TMEM183A: variants seen among roughly 807,000 people sequenced by gnomAD.
TMEM183A encodes the protein chromosome 1 open reading frame 37.
A neutral mutation model predicts 46.7 loss-of-function variants in TMEM183A; 21 were observed. That is an observed-to-expected ratio of 0.45 (90% CI 0.32 to 0.65). The LOEUF (loss-of-function observed/expected upper bound fraction) is 0.65. TMEM183A is among the 30% of genes least tolerant of loss of function. The probability of loss-of-function intolerance (pLI) is 0.04; values close to 1 mark genes in which losing one functional copy is unlikely to be tolerated. For missense variants in TMEM183A, 331 were observed against 481.9 expected, an observed-to-expected ratio of 0.69 and a Z score of 2.93; for synonymous variants, 165 against 180.2, an observed-to-expected ratio of 0.92 and a Z score of 0.68.
chr1:203,015,711 A>G, intron 4 of TMEM183A: 1 of 502,438 alleles, frequency 2.0e-6, no homozygotes, highest in South Asian at 2.5e-5. Context: ...TACCGATACC[A>G]ATTCAGAGTT....
chr1:203,017,661 G>A, intron 5 of TMEM183A: 2 of 861,480 alleles, frequency 2.3e-6, no homozygotes, highest in Non-Finnish European at 2.8e-6. Context: ...ATGATTGCGT[G>A]GCATTCAGGG....
At chr1:203,015,662 C>T (rs910349177) in intron 4 of TMEM183A, 3 of 342,226 alleles carry the variant, frequency 8.8e-6, no homozygotes, top group Non-Finnish European at 1.6e-5. Flanking sequence ...GTATAGGTTC[C>T]TCCAGGACAG....
chr1:203,015,095 T>C (rs375300250), intron 4 of TMEM183A, 47 bp downstream of exon 4: 94 of 1,600,702 alleles, frequency 5.9e-5, no homozygotes, highest in Non-Finnish European at 7.9e-5. Flanking sequence ...GCTGATTTCA[T>C]TACTGTTTGT....
At chr1:203,012,919 T>G (rs967009020) in intron 3 of TMEM183A, among the ~76,000 whole-genome samples, 5 of 152,216 alleles carry the variant, frequency 3.3e-5, no homozygotes, top group Admixed American at 3.3e-4. Context: ...TTGTAGAGAC[T>G]GTGTTGCCCA....
Position 203,019,301 on chromosome 1 carries a change from A to G in TMEM183A, c.789+740A>G, listed in dbSNP as rs542450330. 6.6e-5 allele frequency among the ~76,000 whole-genome samples: 10 copies of G among 152,382 alleles called. 2 individuals carry two copies. The South Asian group carries it at 1.9e-3, about 28-fold the overall frequency. On this transcript the variant is annotated intron_variant, in intron 6 of 7. Transcript: ENST00000367242. ...ATGAAAACAAAAGGTAAGAGGAACTATGCTGTATTGAAAGACAAGGATAAC... is the reference window on the plus strand; with the variant it reads ...ATGAAAACAAAAGGTAAGAGGAACTGTGCTGTATTGAAAGACAAGGATAAC...
chr1:203,008,904 C>A (rs1418444), intron 3 of TMEM183A, 94 bp downstream of exon 3: 1 of 1,323,780 alleles, frequency 7.6e-7, no homozygotes, highest in South Asian at 1.8e-5. Context: ...AGATATAAGA[C>A]GTGATACCAG....
intron 7 of TMEM183A, among the ~76,000 whole-genome samples, chr1:203,021,261 G>C (rs1323014399): frequency 6.6e-6 from 1 of 152,046 alleles, no homozygotes; most frequent in Non-Finnish European, 1.5e-5. Flanking sequence ...CAGACTCCTA[G>C]CCTCAAGCAG....
At chr1:203,008,453 C>CCTTT (rs1291069587) in intron 2 of TMEM183A, among the ~76,000 whole-genome samples, 190 bp from the exon 3 acceptor site, 4 of 106,118 alleles carry the variant, frequency 3.8e-5, no homozygotes, top group African/African-American at 1.3e-4. Flanking sequence ...CATTGCTTTC[C>CCTTT]TTTTTTTTTT....
chr1:203,007,548 G>A lies in TMEM183A; in HGVS notation c.83G>A (p.Arg28Gln). The A allele has an allele frequency of 1.3e-6, 2 of 1,548,214 alleles. No individual in the cohort carries two copies. The highest frequency in any genetic ancestry group is 8.7e-7 in the Non-Finnish European group (1 of 1,152,814). ...MPKRGKRLKF[R>Q]AHDACSGRVT... Reference sequence around the variant, plus strand: ...AAGAGAGGAAAGCGACTCAAGTTCCGGGCCCACGACGCCTGCTCCGGCCGA... The same window carrying A: ...AAGAGAGGAAAGCGACTCAAGTTCCAGGCCCACGACGCCTGCTCCGGCCGA... Residue 28 changes from arginine to glutamine, a missense_variant, in exon 1 of 8, where the codon CGG (arginine) becomes CAG (glutamine). By Grantham distance (43) the Arg-to-Gln change is conservative. This residue lies in a region of TMEM183A where 98 missense variants were observed against 96.1 expected (regional missense o/e 1.02). Coordinates refer to ENST00000367242, the MANE Select transcript of TMEM183A (RefSeq NM_138391.6).
intron 6 of TMEM183A, among the ~76,000 whole-genome samples, chr1:203,018,883 T>C (rs1160224717): frequency 6.6e-6 from 1 of 152,218 alleles, no homozygotes; most frequent in Non-Finnish European, 1.5e-5. Context: ...AAGACCCTCT[T>C]ATAAAGGCCT....
At chr1:203,009,932 G>A (rs12728556) in intron 3 of TMEM183A, among the ~76,000 whole-genome samples, 1 of 152,168 alleles carries the variant, frequency 6.6e-6, no homozygotes, top group South Asian at 2.1e-4. Flanking sequence ...TCAGGAGTTC[G>A]AGACCATCCT....
At chr1:203,016,563 A>C (rs12133328) in intron 5 of TMEM183A, among the ~76,000 whole-genome samples, 1 of 152,124 alleles carries the variant, frequency 6.6e-6, no homozygotes, top group Non-Finnish European at 1.5e-5. Flanking sequence ...CAACCTTGAC[A>C]TCAGGGATTC....
chr1:203,008,747 G>A lies in TMEM183A; in HGVS notation c.304G>A (p.Ala102Thr), dbSNP rs777169982. 1 of 1,609,966 alleles carries A rather than the reference G, an allele frequency of 6.2e-7. No individual in the cohort carries two copies. The highest frequency in any genetic ancestry group is 8.5e-7 in the Non-Finnish European group (1 of 1,178,168). ...DIIDSSDEMD[A>T]QEESIHERTV... ...CATCGACAGCAGTGATGAGATGGATGCCCAGGAGGAAAGCATCCATGAGAG... is the reference window on the plus strand; with the variant it reads ...CATCGACAGCAGTGATGAGATGGATACCCAGGAGGAAAGCATCCATGAGAG... The change falls in exon 3 of 8, where the codon GCC becomes ACC. Residue 102 changes from alanine (A) to threonine (T), a missense_variant. Around this residue, in one of 2 missense-constraint regions of TMEM183A, gnomAD observed 233 missense variants for 385.8 expected, o/e 0.60. Transcript: ENST00000367242.
At position 203,007,824 on chromosome 1, in the gene TMEM183A, C is replaced by T. The variant is rs747975881; in HGVS notation, c.160C>T (p.Arg54Ter). The T allele has an allele frequency of 1.2e-6, 2 of 1,613,862 alleles. No individual in the cohort carries two copies. Among genetic ancestry groups the T allele is most frequent in the Admixed American group, 1.7e-5 (1 of 59,998 alleles). The change falls in exon 2 of 8, where the codon CGA becomes TGA. Residue 54 changes from arginine (R) to a stop codon, truncating the protein, a stop_gained. Coordinates refer to ENST00000367242, the MANE Select transcript of TMEM183A (RefSeq NM_138391.6). LOFTEE classifies it high-confidence loss of function. ...NSDPAVVRSG[R>*]VKKAVANAVQ... is the part of the protein sequence containing the mutation. ...GGATCCGGCGGTCGTGAGGTCTGGA[C>T]GAGTCAAGAAAGCCGTAGCCAACGC...
chr1:203,022,815 G>C (rs904906013), intron 7 of TMEM183A, 40 bp from the exon 8 acceptor site: 13 of 1,612,982 alleles, frequency 8.1e-6, no homozygotes. Flanking sequence ...GGAAACCAAG[G>C]TTGTGTAAGT....
intron 7 of TMEM183A, among the ~76,000 whole-genome samples, chr1:203,021,687 G>T (rs1657695399): frequency 6.6e-6 from 1 of 152,188 alleles, no homozygotes; most frequent in Admixed American, 6.5e-5. Flanking sequence ...TCTGTCCTTT[G>T]TGTGATATTA....
chr1:203,016,795 G>A (rs1031585880), intron 5 of TMEM183A, among the ~76,000 whole-genome samples: 3 of 152,106 alleles, frequency 2.0e-5, no homozygotes, highest in African/African-American at 7.2e-5. Flanking sequence ...TTATATTCAA[G>A]TTTCTGTCAT....
chr1:203,012,148 T>TCTCACACACACA (rs1553249434), intron 3 of TMEM183A, among the ~76,000 whole-genome samples: 4,544 of 79,450 alleles, frequency 0.057, 598 homozygotes, highest in Middle Eastern at 0.095. Context: ...CCCCACTCCA[T>TCTCACACACACA]CACACACACA....
chr1:203,007,441 CG>C lies in TMEM183A; in HGVS notation c.-21del, dbSNP rs1558032794. The stretch of plus-strand genomic sequence containing the variant: ...CCGGGCGGAGCTGGCTTGCGGCTCC[CG>C]GGGCCGGCTCTCCGGCCGGAGACAT... On this transcript the variant is annotated 5_prime_UTR_variant, in exon 1 of 8. Transcript: ENST00000367242. 2.9e-6 allele frequency: 4 copies of C among 1,390,094 alleles called. No individual in the cohort carries two copies. The highest frequency in any genetic ancestry group is 5.8e-5 in the Admixed American group (2 of 34,252). 86.1% of individuals were successfully genotyped at this position (1,390,094 alleles called of 1,614,324 possible). A position where few individuals can be genotyped will look rare whatever the true frequency, so the allele number is the denominator to read the frequency against.
Sources: gnomAD v4.1 joint callset for allele counts (sites outside exome capture counted in the v4.1 genomes callset) on GRCh38, gnomAD v4.1.1 for gene constraint, gnomAD v4.1.1 regional missense constraint, MANE v1.5 for transcripts, NCBI Gene and HGNC (gene_info 2026-07-23, HGNC 2026-07-21) for gene names.